Variants in C4orf51 observed in about 807,000 individuals in gnomAD.
C4orf51 encodes uncharacterized protein C4orf51.
In C4orf51, 25 loss-of-function variants were observed where a neutral mutation model predicts 25.2. That is an observed-to-expected ratio of 0.99 (90% CI 0.72 to 1.39). The LOEUF (loss-of-function observed/expected upper bound fraction) is 1.39. C4orf51 is among the 40% of genes most tolerant of loss of function. The probability of loss-of-function intolerance (pLI) is 0.00; values close to 1 mark genes in which losing one functional copy is unlikely to be tolerated. For synonymous variants in C4orf51, 100 were observed against 84.5 expected (o/e 1.18, Z -1.01); for missense variants, 252 against 239.6 (o/e 1.05, Z -0.34).
At chr4:145,741,841 C>T (rs758983513) in intron 1 of C4orf51, among the ~76,000 whole-genome samples, 30 of 152,004 alleles carry the variant, frequency 2.0e-4, no homozygotes, top group Non-Finnish European at 3.4e-4. Flanking sequence ...GGATTACAGG[C>T]GCCTGCCACC....
chr4:145,739,838 C>T (rs554199114), intron 1 of C4orf51, among the ~76,000 whole-genome samples: 1 of 152,278 alleles, frequency 6.6e-6, no homozygotes, highest in South Asian at 2.1e-4. Flanking sequence ...ACACCCCTGA[C>T]AACTATTGAG....
chr4:145,770,050 C>T (rs1393158578), intron 1 of C4orf51, among the ~76,000 whole-genome samples: 1 of 152,164 alleles, frequency 6.6e-6, no homozygotes, highest in African/African-American at 2.4e-5. Flanking sequence ...GTAATCCCAG[C>T]ACTTTGGGAG....
intron 2 of C4orf51, among the ~76,000 whole-genome samples, chr4:145,699,634 A>G (rs1008493174): frequency 6.6e-6 from 1 of 152,150 alleles, no homozygotes; most frequent in African/African-American, 2.4e-5. Context: ...TTGGTGTTTA[A>G]TCATTGCAGG....
At chr4:145,689,279 T>C (rs1324388504) in intron 1 of C4orf51, among the ~76,000 whole-genome samples, 1 of 152,144 alleles carries the variant, frequency 6.6e-6, no homozygotes, top group Non-Finnish European at 1.5e-5. Context: ...AATTTTGAGT[T>C]ACCTTAAAAT....
chr4:145,719,580 C>T (rs1731610117), intron 2 of C4orf51, among the ~76,000 whole-genome samples: 2 of 124,062 alleles, frequency 1.6e-5, no homozygotes, highest in Non-Finnish European at 3.2e-5. Flanking sequence ...CAGAGTGAGA[C>T]TCTGTCTCAA....
chr4:145,722,332 T>C (rs1433546844), intron 2 of C4orf51, among the ~76,000 whole-genome samples: 6 of 152,192 alleles, frequency 3.9e-5, no homozygotes, highest in African/African-American at 1.4e-4. Flanking sequence ...AAAATTAAAA[T>C]ATCATAACAG....
At chr4:145,723,496 C>T (rs977713506) in intron 2 of C4orf51, among the ~76,000 whole-genome samples, 2 of 151,754 alleles carry the variant, frequency 1.3e-5, no homozygotes, top group Non-Finnish European at 2.9e-5. Flanking sequence ...ATTAGAAGAC[C>T]TGGAGGTATA....
chr4:145,704,192 T>C (rs1457514103), intron 2 of C4orf51, among the ~76,000 whole-genome samples: 1 of 152,216 alleles, frequency 6.6e-6, no homozygotes, highest in Non-Finnish European at 1.5e-5. Flanking sequence ...ATGGTAAATG[T>C]TTCTTTTCAG....
the C4orf51 span, among the ~76,000 whole-genome samples, chr4:145,787,893 G>A: frequency 2.0e-5 from 3 of 152,208 alleles, no homozygotes; most frequent in East Asian, 5.8e-4. Flanking sequence ...TCAAGTAACC[G>A]TTTCCACAGT....
intron 1 of C4orf51, among the ~76,000 whole-genome samples, chr4:145,692,768 T>C (rs1042450602): frequency 2.6e-5 from 4 of 152,136 alleles, no homozygotes; most frequent in Non-Finnish European, 4.4e-5. Context: ...ATTACTACCA[T>C]GTGTTGAACT....
chr4:145,776,197 C>G, the C4orf51 span, among the ~76,000 whole-genome samples: 18 of 152,244 alleles, frequency 1.2e-4, no homozygotes, highest in Admixed American at 2.0e-4. Flanking sequence ...TGGCTCACAC[C>G]TGTAATTCTA....
At chr4:145,786,260 T>C in the C4orf51 span, among the ~76,000 whole-genome samples, 1 of 152,208 alleles carries the variant, frequency 6.6e-6, no homozygotes, top group Non-Finnish European at 1.5e-5. Context: ...TTTTACTGTG[T>C]GAAAAGATCC....
chr4:145,701,970 C>A (rs1371754751), intron 2 of C4orf51, among the ~76,000 whole-genome samples: 1 of 152,026 alleles, frequency 6.6e-6, no homozygotes, highest in East Asian at 1.9e-4. Context: ...CATATCCCCC[C>A]ACCTTAACCC....
At chr4:145,688,146 A>G (rs1729292049) in intron 1 of C4orf51, among the ~76,000 whole-genome samples, 1 of 147,806 alleles carries the variant, frequency 6.8e-6, no homozygotes, top group Non-Finnish European at 1.5e-5. Context: ...GGCTGAGGTG[A>G]GCCATGATTG....
chr4:145,719,666 G>T (rs553722197), intron 2 of C4orf51, among the ~76,000 whole-genome samples: 1 of 151,478 alleles, frequency 6.6e-6, no homozygotes, highest in Admixed American at 6.6e-5. Context: ...CTATGTAGGA[G>T]CCCCTAGAAT....
intron 2 of C4orf51, among the ~76,000 whole-genome samples, chr4:145,725,264 G>T (rs1215094094): frequency 1.3e-5 from 2 of 152,066 alleles, no homozygotes; most frequent in Non-Finnish European, 2.9e-5. Context: ...CATTAGAATG[G>T]CTATAATCAC....
chr4:145,692,251 G>GAAAA (rs539047097), intron 1 of C4orf51, among the ~76,000 whole-genome samples: 40 of 152,302 alleles, frequency 2.6e-4, no homozygotes, highest in African/African-American at 9.4e-4. Flanking sequence ...TAATGAATAA[G>GAAAA]AAAAAACTAT....
At chr4:145,771,946 GA>G (rs1449574779), downstream of C4orf51, among the ~76,000 whole-genome samples, 3 of 152,232 alleles carry the variant, frequency 2.0e-5, no homozygotes, top group Admixed American at 6.5e-5. Context: ...CTGCGCATCT[GA>G]AAATATAGGG....
At chr4:145,752,996 C>T (rs561676658) in intron 1 of C4orf51, among the ~76,000 whole-genome samples, 8 of 152,176 alleles carry the variant, frequency 5.3e-5, no homozygotes, top group South Asian at 2.1e-4. Flanking sequence ...CTGCGTGCCA[C>T]GTGGCCGCTG....
Sources: allele counts gnomAD v4.1 joint callset (sites outside exome capture counted in the v4.1 genomes callset), GRCh38; gene constraint gnomAD v4.1.1; transcripts MANE v1.5; gene names NCBI Gene and HGNC (gene_info 2026-07-23, HGNC 2026-07-21).